HTR7: variants seen among roughly 807,000 people sequenced by gnomAD.
HTR7 encodes the protein 5-hydroxytryptamine receptor 7.
A neutral mutation model predicts 34.0 loss-of-function variants in HTR7; 16 were observed. That is an observed-to-expected ratio of 0.47 (90% CI 0.32 to 0.71). The LOEUF (loss-of-function observed/expected upper bound fraction) is 0.71, where lower values mean the gene tolerates loss of function less well. HTR7 is among the 30% of genes least tolerant of loss of function. HTR7 has a pLI of 0.04. For missense variants in HTR7, 504 were observed against 625.5 expected (o/e 0.81, Z 2.07); for synonymous variants, 265 against 260.2 (o/e 1.02, Z -0.18).
At chr10:90,747,728 T>C (rs1383595290) in intron 2 of HTR7, among the ~76,000 whole-genome samples, 1 of 152,138 alleles carries the variant, frequency 6.6e-6, no homozygotes, top group East Asian at 1.9e-4. Context: ...GCTAGAGTGG[T>C]CCCTGGTTCT....
chr10:90,825,692 T>C (rs570965483), intron 1 of HTR7, among the ~76,000 whole-genome samples: 1 of 151,878 alleles, frequency 6.6e-6, no homozygotes, highest in East Asian at 1.9e-4. Context: ...AATTCTAGAG[T>C]TGAAAAATGA....
chr10:90,816,408 G>C (rs552588519), intron 1 of HTR7, among the ~76,000 whole-genome samples: 25 of 152,318 alleles, frequency 1.6e-4, no homozygotes, highest in African/African-American at 4.6e-4. Context: ...AGATTAGAGA[G>C]AGAGAAATTC....
chr10:90,825,655 G>A (rs1846060005), intron 1 of HTR7, among the ~76,000 whole-genome samples: 1 of 152,028 alleles, frequency 6.6e-6, no homozygotes, highest in African/African-American at 2.4e-5. Flanking sequence ...TATAACAAAG[G>A]AATTCATAAT....
At chr10:90,839,303 G>A (rs142964953) in intron 1 of HTR7, among the ~76,000 whole-genome samples, 65 of 152,202 alleles carry the variant, frequency 4.3e-4, no homozygotes, top group African/African-American at 1.3e-3. Context: ...TACATTTCCC[G>A]GAATATAATT....
At chr10:90,810,509 T>TC (rs201425777) in intron 1 of HTR7, among the ~76,000 whole-genome samples, 41,846 of 151,838 alleles carry the variant, frequency 0.28, 6,300 homozygotes, top group African/African-American at 0.4. Context: ...TCCTTACAAT[T>TC]CCCCCATTTT....
intron 1 of HTR7, among the ~76,000 whole-genome samples, chr10:90,839,816 T>C (rs886345022): frequency 1.3e-5 from 2 of 152,124 alleles, no homozygotes; most frequent in African/African-American, 2.4e-5. Flanking sequence ...AACAACACAA[T>C]TGTTTGCAAC....
chr10:90,743,556 G>C (rs758537330), intron 3 of HTR7, 37 bp downstream of exon 3: 3 of 1,487,846 alleles, frequency 2.0e-6, no homozygotes, highest in Non-Finnish European at 1.9e-6. Flanking sequence ...CCAGACCACA[G>C]CACTATCTCC....
chr10:90,785,133 T>C (rs1845361784), intron 1 of HTR7, among the ~76,000 whole-genome samples: 1 of 152,208 alleles, frequency 6.6e-6, no homozygotes, highest in African/African-American at 2.4e-5. Flanking sequence ...CCCAGTAATA[T>C]AAGACGCATT....
chr10:90,826,092 A>C (rs938689079), intron 1 of HTR7, among the ~76,000 whole-genome samples: 1 of 152,190 alleles, frequency 6.6e-6, no homozygotes, highest in Non-Finnish European at 1.5e-5. Flanking sequence ...TAAAGAAAAG[A>C]TCCTGAAAGT....
intron 1 of HTR7, among the ~76,000 whole-genome samples, chr10:90,806,256 C>A (rs1845704455): frequency 6.6e-6 from 1 of 151,954 alleles, no homozygotes; most frequent in African/African-American, 2.4e-5. Flanking sequence ...AATGAGGAAC[C>A]CTTGACGGGG....
In HTR7 at chr10:90,826,077, G is replaced by A. The variant is rs573939579; in HGVS notation, c.539+31056C>T. Among the ~76,000 whole-genome samples, 20 of 152,172 alleles carry A rather than the reference G, an allele frequency of 1.3e-4. No individual in the cohort carries two copies. In the South Asian group the frequency reaches 3.1e-3, roughly 24 times the overall value. Reference sequence around the variant, plus strand: ...AGCATTTAATAAACTCCCAAAGGTCGAAGATAAAGAAAAGATCCTGAAAGT... The same window carrying A: ...AGCATTTAATAAACTCCCAAAGGTCAAAGATAAAGAAAAGATCCTGAAAGT... On this transcript the variant is annotated intron_variant, in intron 1 of 3. Coordinates refer to ENST00000336152, the MANE Select transcript of HTR7 (RefSeq NM_019859.4).
At chr10:90,827,659 G>A (rs1846098963) in intron 1 of HTR7, among the ~76,000 whole-genome samples, 1 of 151,982 alleles carries the variant, frequency 6.6e-6, no homozygotes, top group Non-Finnish European at 1.5e-5. Flanking sequence ...ATGATAAAAG[G>A]GTCAATTCTG....
chr10:90,807,005 A>T (rs755073829), intron 1 of HTR7, among the ~76,000 whole-genome samples: 8 of 152,236 alleles, frequency 5.3e-5, no homozygotes, highest in Non-Finnish European at 7.3e-5. Context: ...CAGAGGGCAT[A>T]ATGTAAAGGA....
intron 1 of HTR7, among the ~76,000 whole-genome samples, chr10:90,772,694 A>G (rs2119821227): frequency 6.6e-6 from 1 of 152,340 alleles, no homozygotes; most frequent in Non-Finnish European, 1.5e-5. Flanking sequence ...TTAATGAAAC[A>G]TGGTATATAT....
chr10:90,826,720 G>A (rs187085802), intron 1 of HTR7, among the ~76,000 whole-genome samples: 16 of 151,706 alleles, frequency 1.1e-4, no homozygotes, highest in South Asian at 2.1e-4. Context: ...GGCGGATCAC[G>A]AGCTCAGGAG....
At chr10:90,745,260 C>A (rs1564666837) in intron 2 of HTR7, among the ~76,000 whole-genome samples, 1 of 152,124 alleles carries the variant, frequency 6.6e-6, no homozygotes, top group African/African-American at 2.4e-5. Flanking sequence ...CAATAGATTC[C>A]ATGTCTGGTG....
rs375864308 is a variant in HTR7, at chr10:90,836,297, G to A, written c.539+20836C>T. Reference sequence around the variant, plus strand: ...TATTTATTGCTTTTAGGATGAAAACGGAGAGTCAGAAAGAACATCAGCAAG... The same window carrying A: ...TATTTATTGCTTTTAGGATGAAAACAGAGAGTCAGAAAGAACATCAGCAAG... On this transcript the variant is annotated intron_variant, in intron 1 of 3. Coordinates refer to ENST00000336152, the MANE Select transcript of HTR7 (RefSeq NM_019859.4). Among the ~76,000 whole-genome samples, 5 of 152,104 alleles carry A rather than the reference G, an allele frequency of 3.3e-5. No homozygotes were observed. The South Asian group carries it at 6.2e-4, about 19-fold the overall frequency.
intron 2 of HTR7, chr10:90,743,949 C>G (rs867499908): frequency 1.6e-6 from 1 of 631,100 alleles, no homozygotes; most frequent in East Asian, 3.4e-5. Flanking sequence ...TCTGGTTATG[C>G]TGATCAAGAA....
chr10:90,807,007 T>G (rs765559741), intron 1 of HTR7, among the ~76,000 whole-genome samples: 7 of 152,190 alleles, frequency 4.6e-5, no homozygotes, highest in African/African-American at 9.7e-5. Context: ...GAGGGCATAA[T>G]GTAAAGGAAC....
Sources: allele counts gnomAD v4.1 joint callset (sites outside exome capture counted in the v4.1 genomes callset), GRCh38; gene constraint gnomAD v4.1.1; transcripts MANE v1.5; gene names NCBI Gene and HGNC (gene_info 2026-07-23, HGNC 2026-07-21).